The following PHF6 variants were observed in gnomAD, a reference collection of about 807,000 sequenced individuals.
The protein encoded by PHF6 is PHD-like zinc finger protein.
A neutral mutation model predicts 34.0 loss-of-function variants in PHF6; 7 were observed. The observed-to-expected ratio is 0.21, with a 90% confidence interval of 0.12 to 0.39. The LOEUF (loss-of-function observed/expected upper bound fraction) is 0.39. Among genes scored for constraint, PHF6 ranks in the 10% least tolerant of loss-of-function variants. PHF6 has a pLI of 1.00. For synonymous variants in PHF6, 89 were observed against 88.4 expected (o/e 1.01, Z -0.04); for missense variants, 128 against 262.8 (o/e 0.49, Z 3.55).
intron 8 of PHF6, 111 bp from the exon 9 acceptor site, chrX:134,417,058 C>G (rs1318773072): frequency 2.4e-6 from 2 of 834,850 alleles, no homozygotes; most frequent in African/African-American, 2.0e-5. Flanking sequence ...TAAGTTGCAG[C>G]ATTATTTCAG....
intron 3 of PHF6, among the ~76,000 whole-genome samples, chrX:134,393,091 C>T (rs80335033): frequency 8.9e-6 from 1 of 112,251 alleles, no homozygotes; most frequent in Non-Finnish European, 1.9e-5. Flanking sequence ...AGCCACCGCA[C>T]TTAGCAATTA....
chrX:134,423,221 G>T (rs898972923), intron 9 of PHF6, among the ~76,000 whole-genome samples: 4 of 111,732 alleles, frequency 3.6e-5, no homozygotes, highest in Admixed American at 9.5e-5. Flanking sequence ...TCTCATTTTA[G>T]ACTTAATTTG....
chrX:134,383,172 C>G (rs753585298), intron 3 of PHF6, among the ~76,000 whole-genome samples: 6 of 109,955 alleles, frequency 5.5e-5, no homozygotes, highest in African/African-American at 1.7e-4. Flanking sequence ...CTCAGGAGTT[C>G]GAGGCTGTGG....
At chrX:134,416,269 G>A (rs1039387567) in intron 8 of PHF6, among the ~76,000 whole-genome samples, 3 of 111,226 alleles carry the variant, frequency 2.7e-5, no homozygotes, top group African/African-American at 9.8e-5. Context: ...TGAAACTTTC[G>A]TAACAGAGCC....
chrX:134,410,579 T>A (rs1361988684), intron 5 of PHF6, among the ~76,000 whole-genome samples: 3 of 111,625 alleles, frequency 2.7e-5, no homozygotes, highest in African/African-American at 9.8e-5. Flanking sequence ...ATAATGATAC[T>A]AATTCCTTGT....
chrX:134,374,211 A>G (rs976777341), intron 1 of PHF6, among the ~76,000 whole-genome samples: 1 of 111,449 alleles, frequency 9.0e-6, no homozygotes, highest in African/African-American at 3.3e-5. Flanking sequence ...TTCTTTTCCA[A>G]TTTCCATTCG....
rs930212424 is a variant in PHF6, at chrX:134,422,242, C to T, written c.969-2959C>T. On this transcript the variant is annotated intron_variant, in intron 9 of 10. Transcript: ENST00000370803. ...CAGCCTACATCCATTTTAATGATTG[C>T]ATAATATTCCATCATATAGGTATAT... Among the ~76,000 whole-genome samples the T allele has an allele frequency of 8.9e-5, 10 of 112,183 alleles. No individual in the cohort carries two copies. In the East Asian group the frequency reaches 2.8e-3, roughly 31 times the overall value.
At chrX:134,374,287 T>C (rs1458457277) in intron 1 of PHF6, among the ~76,000 whole-genome samples, 2 of 112,304 alleles carry the variant, frequency 1.8e-5, no homozygotes, top group African/African-American at 3.2e-5. Context: ...TTTCATCGCC[T>C]TACTACCTAA....
At position 134,377,740 on chromosome X, in the gene PHF6, G is replaced by A. The variant is rs573685409; in HGVS notation, c.123G>A (p.Ala41=). The A allele has an allele frequency of 1.0e-5, 12 of 1,206,007 alleles. No individual in the cohort carries two copies. The highest frequency in any genetic ancestry group is 2.3e-4 in the Middle Eastern group (1 of 4,367). The change falls in exon 2 of 11, where the codon GCG becomes GCA. Residue 41 remains alanine (A), a synonymous_variant. Transcript: ENST00000370803. ...TATCTGAAAACCAGAAGGTGGCAGC[G>A]CACCATAAGTGCATGGTAAGTATAC... ...LLISENQKVA[A]HHKCMLFSSA... is the part of the protein sequence containing the mutation.
chrX:134,399,093 G>A (rs1352892909), intron 5 of PHF6, among the ~76,000 whole-genome samples: 2 of 111,083 alleles, frequency 1.8e-5, no homozygotes, highest in Non-Finnish European at 3.8e-5. Flanking sequence ...AGAGGTAGGA[G>A]GAAAGTCAGA....
chrX:134,377,859 A>AT, intron 2 of PHF6, 104 bp downstream of exon 2: 2 of 1,024,729 alleles, frequency 2.0e-6, no homozygotes, highest in Non-Finnish European at 2.7e-6. Flanking sequence ...ACCAAAAAAA[A>AT]CTCAGTTAAA....
At chrX:134,380,702 T>C (rs1368054383) in intron 3 of PHF6, among the ~76,000 whole-genome samples, 2 of 111,968 alleles carry the variant, frequency 1.8e-5, no homozygotes, top group Admixed American at 1.9e-4. Context: ...CTCCAGGCCA[T>C]GTTTTCCTCA....
intron 3 of PHF6, among the ~76,000 whole-genome samples, chrX:134,391,148 A>G (rs2077352423): frequency 9.2e-6 from 1 of 108,628 alleles, no homozygotes. Flanking sequence ...CTAGTTTTGT[A>G]TTTTTAGTTG....
chrX:134,414,560 G>C (rs924930526), intron 7 of PHF6, among the ~76,000 whole-genome samples: 13 of 110,005 alleles, frequency 1.2e-4, no homozygotes, highest in African/African-American at 1.7e-4. Flanking sequence ...TAACCAGAGT[G>C]CATGTCAGAT....
At chrX:134,397,055 A>G (rs2077380501) in intron 5 of PHF6, among the ~76,000 whole-genome samples, 1 of 111,867 alleles carries the variant, frequency 8.9e-6, no homozygotes, top group Admixed American at 9.5e-5. Context: ...TTAGCTTTAT[A>G]TAAAATGAGC....
In PHF6 at chrX:134,406,102, CTTTCTTTCT is replaced by C. The variant is rs1479179825; in HGVS notation, c.419-7385_419-7377del. Among the ~76,000 whole-genome samples the C allele has an allele frequency of 3.7e-3, 357 of 96,998 alleles. 2 individuals carry two copies. Among genetic ancestry groups the C allele is most frequent in the African/African-American group, 0.013 (332 of 26,168 alleles). 84.2% of individuals were successfully genotyped at this position (96,998 alleles called of 115,157 possible). A position where few individuals can be genotyped will look rare whatever the true frequency, so the allele number is the denominator to read the frequency against. The stretch of plus-strand genomic sequence containing the variant: ...TCTTTCTTTCTTTCTTTCTTTCTTT[CTTTCTTTCT>C]TTTTTTTTTTACTCTGACAAACATT... On this transcript the variant is annotated intron_variant, in intron 5 of 10. Transcript: ENST00000370803.
intron 5 of PHF6, among the ~76,000 whole-genome samples, chrX:134,403,780 A>G (rs2077412012): frequency 8.9e-6 from 1 of 111,875 alleles, no homozygotes; most frequent in South Asian, 3.7e-4. Context: ...TAAAAATCCT[A>G]GGGCCCTTAA....
At chrX:134,379,432 C>CTTTTTTTTTTTTTTTTTTTTTT (rs34099570) in intron 3 of PHF6, among the ~76,000 whole-genome samples, 101 of 26,266 alleles carry the variant, frequency 3.8e-3, no homozygotes, top group Non-Finnish European at 4.2e-3. Flanking sequence ...CTTTTCTTTT[C>CTTTTTTTTTTTTTTTTTTTTTT]TTTTTTTTTT....
chrX:134,385,822 G>C (rs955364132), intron 3 of PHF6, among the ~76,000 whole-genome samples: 10 of 111,402 alleles, frequency 9.0e-5, no homozygotes, highest in African/African-American at 3.3e-4. Flanking sequence ...CCTCAGTATG[G>C]TTTTGTGTTT....
Sources: gnomAD v4.1 joint callset for allele counts (sites outside exome capture counted in the v4.1 genomes callset) on GRCh38, gnomAD v4.1.1 for gene constraint, MANE v1.5 for transcripts, NCBI Gene and HGNC (gene_info 2026-07-23, HGNC 2026-07-21) for gene names.